The following ATP6V1E1 variants were observed in gnomAD, a reference collection of about 807,000 sequenced individuals.
ATP6V1E1 encodes the protein ATPase H+ transporting V1 subunit E1, also known as V-type proton ATPase subunit E 1.
ATP6V1E1 carries 21 observed loss-of-function variants against 35.2 expected under a neutral mutation model. The observed-to-expected ratio is 0.60, with a 90% CI of 0.42 to 0.86. The LOEUF is 0.86. Among genes scored for constraint, ATP6V1E1 ranks in the 40% least tolerant of loss-of-function variants. The probability of loss-of-function intolerance (pLI) is 0.00; values close to 1 mark genes in which losing one functional copy is unlikely to be tolerated. For synonymous variants in ATP6V1E1, 83 were observed against 87.8 expected, an observed-to-expected ratio of 0.95 and a Z score of 0.30; for missense variants, 183 against 272.6, an observed-to-expected ratio of 0.67 and a Z score of 2.32.
At chr22:17,592,798 ATCTT>A (rs1343103731) in intron 8 of ATP6V1E1, 62 bp from the exon 9 acceptor site, 5 of 1,158,602 alleles carry the variant, frequency 4.3e-6, no homozygotes, top group Non-Finnish European at 6.1e-6. Context: ...AGCGCTGCAC[ATCTT>A]TTTTTTTTTT....
At chr22:17,619,308 G>T (rs946167462) in intron 2 of ATP6V1E1, among the ~76,000 whole-genome samples, 153 bp downstream of exon 2, 17 of 151,052 alleles carry the variant, frequency 1.1e-4, no homozygotes, top group African/African-American at 4.1e-4. Flanking sequence ...AAAAAAAAAT[G>T]AAGGAAGGAA....
At chr22:17,613,774 T>C (rs984211786) in intron 2 of ATP6V1E1, among the ~76,000 whole-genome samples, 10 of 151,492 alleles carry the variant, frequency 6.6e-5, no homozygotes, top group Non-Finnish European at 1.3e-4. Context: ...GAGATCATCC[T>C]GGCTAACACG....
chr22:17,623,820 C>A (rs1248001525), intron 1 of ATP6V1E1, among the ~76,000 whole-genome samples: 2 of 152,156 alleles, frequency 1.3e-5, no homozygotes, highest in Non-Finnish European at 2.9e-5. Flanking sequence ...ACCAGCACAG[C>A]CTAGAGCAAA....
intron 8 of ATP6V1E1, among the ~76,000 whole-genome samples, chr22:17,592,943 A>G (rs2057712213): frequency 6.6e-6 from 1 of 151,800 alleles, no homozygotes; most frequent in Non-Finnish European, 1.5e-5. Flanking sequence ...GCTTGCCACC[A>G]TGCCTGGCTA....
In ATP6V1E1 at chr22:17,612,856, G is replaced by A. The variant is rs1249834371; in HGVS notation, c.232C>T (p.Gln78Ter). Residue 78 changes from glutamine to a stop codon, truncating the protein, a stop_gained, in exon 4 of 9, where the codon CAA becomes TAA. Coordinates refer to ENST00000253413, the MANE Select transcript of ATP6V1E1 (RefSeq NM_001696.4). LOFTEE classifies it high-confidence loss of function. ...KKIQMSNLMN[Q>*]ARLKVLRARD... ...GCTCTGAGGACTTTGAGTCTCGCTT[G>A]ATTCATCAAATTGGACATCTGACTG... is the stretch of plus-strand genomic sequence containing the variant. 2 of 1,610,090 alleles carry A rather than the reference G, an allele frequency of 1.2e-6. No individual in the cohort carries two copies. Among genetic ancestry groups the A allele is most frequent in the East Asian group, 2.2e-5 (1 of 44,768 alleles).
intron 1 of ATP6V1E1, among the ~76,000 whole-genome samples, chr22:17,624,672 T>G (rs1284537280): frequency 6.6e-6 from 1 of 151,766 alleles, no homozygotes; most frequent in East Asian, 1.9e-4. Context: ...TACAAAAAAA[T>G]TATCCGGGTG....
chr22:17,621,200 T>C (rs1207512574), intron 1 of ATP6V1E1, among the ~76,000 whole-genome samples: 1 of 152,172 alleles, frequency 6.6e-6, no homozygotes, highest in Non-Finnish European at 1.5e-5. Flanking sequence ...TCTTGTTGTT[T>C]CTAATCGACT....
chr22:17,594,682 T>C (rs1301170500), intron 7 of ATP6V1E1, 66 bp from the exon 8 acceptor site: 3 of 1,326,870 alleles, frequency 2.3e-6, no homozygotes, highest in Non-Finnish European at 3.1e-6. Context: ...TGGTACCCTT[T>C]ACTCCCGCAG....
chr22:17,612,912 CAACTT>C, intron 3 of ATP6V1E1, 34 bp from the exon 4 acceptor site: 1 of 1,563,934 alleles, frequency 6.4e-7, no homozygotes, highest in Non-Finnish European at 8.7e-7. Context: ...GCATTAGTAA[CAACTT>C]AAAACTGTAG....
chr22:17,594,263 G>C (rs1178579715), intron 8 of ATP6V1E1, among the ~76,000 whole-genome samples: 1 of 152,096 alleles, frequency 6.6e-6, no homozygotes, highest in Non-Finnish European at 1.5e-5. Context: ...GTTAGAGAAA[G>C]AACTTGTCAG....
At chr22:17,623,701 C>T (rs1457787473) in intron 1 of ATP6V1E1, among the ~76,000 whole-genome samples, 2 of 151,820 alleles carry the variant, frequency 1.3e-5, no homozygotes, top group Admixed American at 6.6e-5. Context: ...TAATCAAAAC[C>T]GGTGTTTATA....
chr22:17,603,256 A>C (rs1051254826), intron 4 of ATP6V1E1, among the ~76,000 whole-genome samples: 4 of 152,102 alleles, frequency 2.6e-5, no homozygotes, highest in Non-Finnish European at 5.9e-5. Flanking sequence ...AGACTTAAAG[A>C]AACTTTAAAA....
intron 4 of ATP6V1E1, among the ~76,000 whole-genome samples, chr22:17,605,749 G>A (rs1211152571): frequency 7.8e-6 from 1 of 127,774 alleles, no homozygotes; most frequent in Non-Finnish European, 1.6e-5. Context: ...CCAGGCTGAA[G>A]TACAGTGGCA....
chr22:17,597,664 G>C (rs2057739090), intron 7 of ATP6V1E1, among the ~76,000 whole-genome samples: 1 of 151,818 alleles, frequency 6.6e-6, no homozygotes, highest in Non-Finnish European at 1.5e-5. Flanking sequence ...GTCTTGCTCT[G>C]TCGCCATACT....
At chr22:17,599,018 G>A (rs2057747685) in intron 6 of ATP6V1E1, among the ~76,000 whole-genome samples, 1 of 152,096 alleles carries the variant, frequency 6.6e-6, no homozygotes, top group African/African-American at 2.4e-5. Flanking sequence ...CCACCCTACA[G>A]GGACCTTGAA....
chr22:17,614,667 TAA>T (rs200743259), intron 2 of ATP6V1E1, among the ~76,000 whole-genome samples: 3 of 130,704 alleles, frequency 2.3e-5, no homozygotes, highest in Non-Finnish European at 3.3e-5. Context: ...AGCGAACTCT[TAA>T]AAAAAAAAAA....
intron 1 of ATP6V1E1, among the ~76,000 whole-genome samples, chr22:17,623,215 C>T (rs1026185241): frequency 6.6e-6 from 1 of 152,102 alleles, no homozygotes; most frequent in African/African-American, 2.4e-5. Flanking sequence ...CTTACAATAT[C>T]TTGAGCCTTG....
In ATP6V1E1 at chr22:17,601,130, T is replaced by C. The variant is rs775746576; in HGVS notation, c.328A>G (p.Thr110Ala). Residue 110 changes from threonine to alanine, a missense_variant, in exon 5 of 9, where the codon ACC becomes GCC. By Grantham distance (58) the Thr-to-Ala change is moderately conservative (BLOSUM62 0). Transcript: ENST00000253413. ...CCATCCAGCAGCACTTGGTACCTGG[T>C]TGTATCTTTTACCACCTTGCTGAGT... ...QRLSKVVKDTTRYQVLLDGLV... is the reference protein window; with the variant it reads ...QRLSKVVKDTARYQVLLDGLV... 6.2e-6 allele frequency: 10 copies of C among 1,613,640 alleles called. No homozygotes were observed. Among genetic ancestry groups the C allele is most frequent in the Admixed American group, 1.7e-5 (1 of 59,968 alleles).
chr22:17,617,150 TTTC>T (rs1011017841), intron 2 of ATP6V1E1, among the ~76,000 whole-genome samples: 6 of 152,218 alleles, frequency 3.9e-5, no homozygotes, highest in Non-Finnish European at 8.8e-5. Flanking sequence ...AAAATAGTCT[TTTC>T]TTCTTCAAAT....
Sources: allele counts gnomAD v4.1 joint callset (sites outside exome capture counted in the v4.1 genomes callset), GRCh38; gene constraint gnomAD v4.1.1; transcripts MANE v1.5; gene names NCBI Gene and HGNC (gene_info 2026-07-23, HGNC 2026-07-21).